GALNT13: variants seen among roughly 807,000 people sequenced by gnomAD.
The protein encoded by GALNT13 is polypeptide N-acetylgalactosaminyltransferase 13.
GALNT13 carries 28 observed loss-of-function variants against 64.2 expected under a neutral mutation model. That is an observed-to-expected ratio of 0.44 (90% CI 0.32 to 0.60). GALNT13 has a LOEUF of 0.60. Among genes scored for constraint, GALNT13 ranks in the 20% least tolerant of loss-of-function variants. The probability of loss-of-function intolerance (pLI) is 0.05; values close to 1 mark genes in which losing one functional copy is unlikely to be tolerated. For missense variants in GALNT13, 577 were observed against 669.8 expected (o/e 0.86, Z 1.53); for synonymous variants, 214 against 224.6 (o/e 0.95, Z 0.42).
the GALNT13 span, among the ~76,000 whole-genome samples, chr2:153,555,786 G>A: frequency 6.6e-6 from 1 of 152,126 alleles, no homozygotes; most frequent in Non-Finnish European, 1.5e-5. Context: ...TGTAAGATCC[G>A]ATCTTTTTAA....
chr2:154,367,639 G>A (rs1025117271), intron 9 of GALNT13, among the ~76,000 whole-genome samples: 2 of 152,016 alleles, frequency 1.3e-5, no homozygotes, highest in Non-Finnish European at 2.9e-5. Context: ...ACATTTTCAC[G>A]GTTCCTATTG....
chr2:153,177,359 T>C, the GALNT13 span, among the ~76,000 whole-genome samples: 2 of 152,054 alleles, frequency 1.3e-5, no homozygotes, highest in South Asian at 2.1e-4. Flanking sequence ...AAAACAATGC[T>C]TGATTCCCAC....
chr2:153,208,970 G>T, the GALNT13 span, among the ~76,000 whole-genome samples: 112,210 of 134,994 alleles, frequency 0.83, 47,819 homozygotes, highest in African/African-American at 0.91. Context: ...TTTTGGTTTT[G>T]GTCTTTTTTT....
chr2:154,200,534 G>A (rs1186177736), intron 4 of GALNT13, among the ~76,000 whole-genome samples: 4 of 152,112 alleles, frequency 2.6e-5, no homozygotes, highest in African/African-American at 9.7e-5. Context: ...GAAGATCAAG[G>A]TGCTGTCAGG....
chr2:154,010,405 T>A (rs1017054827), intron 3 of GALNT13, among the ~76,000 whole-genome samples: 2 of 152,364 alleles, frequency 1.3e-5, no homozygotes, highest in South Asian at 4.1e-4. Context: ...TTAATTTGCC[T>A]ATGTTGAACC....
chr2:153,728,528 C>T, the GALNT13 span, among the ~76,000 whole-genome samples: 4 of 152,062 alleles, frequency 2.6e-5, no homozygotes, highest in Non-Finnish European at 5.9e-5. Flanking sequence ...GCTAAATGCC[C>T]ATATCAGAAA....
At chr2:153,097,482 G>T in the GALNT13 span, among the ~76,000 whole-genome samples, 2 of 151,916 alleles carry the variant, frequency 1.3e-5, no homozygotes, top group South Asian at 4.1e-4. Context: ...TATAGAGAAA[G>T]GTTTAAATTT....
chr2:154,414,852 C>A (rs1396777906), intron 11 of GALNT13, among the ~76,000 whole-genome samples: 1 of 151,770 alleles, frequency 6.6e-6, no homozygotes, highest in Non-Finnish European at 1.5e-5. Flanking sequence ...TTAATACTTT[C>A]TCTTTTTTGT....
At chr2:154,280,390 G>T (rs1029681457) in intron 8 of GALNT13, among the ~76,000 whole-genome samples, 5 of 152,024 alleles carry the variant, frequency 3.3e-5, no homozygotes, top group African/African-American at 1.2e-4. Context: ...ATATATATTT[G>T]CTGAATATAT....
chr2:153,222,966 G>T, the GALNT13 span, among the ~76,000 whole-genome samples: 1 of 152,212 alleles, frequency 6.6e-6, no homozygotes, highest in African/African-American at 2.4e-5. Context: ...CCTGCCCCCT[G>T]ACTCGGTGAG....
the GALNT13 span, among the ~76,000 whole-genome samples, chr2:153,331,874 A>G: frequency 6.6e-6 from 1 of 151,626 alleles, no homozygotes; most frequent in Non-Finnish European, 1.5e-5. Flanking sequence ...CCTGTTTTGT[A>G]TTTCAGTTTC....
intron 9 of GALNT13, among the ~76,000 whole-genome samples, chr2:154,359,477 G>A (rs919599370): frequency 5.3e-5 from 8 of 152,030 alleles, no homozygotes; most frequent in Admixed American, 4.6e-4. Context: ...TTCACCTACT[G>A]GAGGCTTCCT....
the GALNT13 span, among the ~76,000 whole-genome samples, chr2:153,553,548 T>C: frequency 1.3e-5 from 2 of 152,186 alleles, no homozygotes; most frequent in Non-Finnish European, 2.9e-5. Context: ...GGTCAATGAA[T>C]GATTGAACCA....
chr2:154,170,670 T>G (rs892865479), intron 4 of GALNT13, among the ~76,000 whole-genome samples: 1 of 152,166 alleles, frequency 6.6e-6, no homozygotes, highest in Non-Finnish European at 1.5e-5. Context: ...ATAATACCTT[T>G]TAAGACTGTC....
chr2:154,163,082 T>C (rs1684829792), intron 4 of GALNT13, among the ~76,000 whole-genome samples: 1 of 151,662 alleles, frequency 6.6e-6, no homozygotes, highest in Non-Finnish European at 1.5e-5. Flanking sequence ...GTTGCACCCA[T>C]TAACTCTTTA....
At chr2:153,950,029 G>A (rs537985858) in intron 3 of GALNT13, among the ~76,000 whole-genome samples, 1 of 147,244 alleles carries the variant, frequency 6.8e-6, no homozygotes, top group South Asian at 2.2e-4. Context: ...ATAAGACCTT[G>A]GAATAAAAAA....
At chr2:153,817,756 AT>A in the GALNT13 span, among the ~76,000 whole-genome samples, 4 of 152,210 alleles carry the variant, frequency 2.6e-5, no homozygotes, top group African/African-American at 9.6e-5. Context: ...ACCACATAAA[AT>A]TTTGTACATA....
At chr2:153,846,471 C>A in the GALNT13 span, among the ~76,000 whole-genome samples, 5 of 151,910 alleles carry the variant, frequency 3.3e-5, no homozygotes, top group African/African-American at 1.2e-4. Context: ...ATTGTTGGTT[C>A]AATTAAAAGA....
At chr2:154,440,773 G>A (rs1701250873) in intron 12 of GALNT13, among the ~76,000 whole-genome samples, 2 of 151,930 alleles carry the variant, frequency 1.3e-5, no homozygotes, top group South Asian at 2.1e-4. Context: ...AAAATGCATA[G>A]GTCATAATCT....
Sources: gnomAD v4.1 joint callset for allele counts (sites outside exome capture counted in the v4.1 genomes callset) on GRCh38, gnomAD v4.1.1 for gene constraint, MANE v1.5 for transcripts, NCBI Gene and HGNC (gene_info 2026-07-23, HGNC 2026-07-21) for gene names.